Variants in KCNIP4 observed in about 807,000 individuals in gnomAD.
The protein encoded by KCNIP4 is potassium voltage-gated channel interacting protein 4, also known as Kv channel-interacting protein 4.
A neutral mutation model predicts 34.0 loss-of-function variants in KCNIP4; 12 were observed. That is an observed-to-expected ratio of 0.35 (90% CI 0.23 to 0.57). KCNIP4 has a LOEUF of 0.57. Ranked by LOEUF, KCNIP4 falls within the 20% of genes least tolerant of loss-of-function variation. The probability of loss-of-function intolerance (pLI) is 0.83; values close to 1 mark genes in which losing one functional copy is unlikely to be tolerated. For synonymous variants in KCNIP4, 124 were observed against 102.2 expected (o/e 1.21, Z -1.29); for missense variants, 238 against 311.7 (o/e 0.76, Z 1.78).
At chr4:20,864,814 T>C (rs1489829881) in intron 2 of KCNIP4, among the ~76,000 whole-genome samples, 1 of 152,156 alleles carries the variant, frequency 6.6e-6, no homozygotes, top group Non-Finnish European at 1.5e-5. Flanking sequence ...GGCATATCAG[T>C]GGCAGAACTG....
intron 1 of KCNIP4, among the ~76,000 whole-genome samples, chr4:21,463,405 C>T (rs1729646696): frequency 6.6e-6 from 1 of 151,882 alleles, no homozygotes; most frequent in South Asian, 2.1e-4. Context: ...TCTCTTTTCT[C>T]TCCAACTTCA....
Position 21,559,955 on chromosome 4 carries a change from A to G in KCNIP4, c.61+388616T>C, listed in dbSNP as rs1739380551. Among the ~76,000 whole-genome samples the G allele has an allele frequency of 2.0e-5, 3 of 152,074 alleles. No homozygotes were observed. In the South Asian group the frequency reaches 6.2e-4, roughly 32 times the overall value. On this transcript the variant is annotated intron_variant, in intron 1 of 8. Transcript: ENST00000382152. ...CTTTTAATTTATTCATTTCTCATGG[A>G]ATTATTTCCTCTTGCTTGATTTATG...
chr4:21,942,887 T>C (rs1730282822), intron 1 of KCNIP4, among the ~76,000 whole-genome samples: 1 of 152,130 alleles, frequency 6.6e-6, no homozygotes, highest in Non-Finnish European at 1.5e-5. Flanking sequence ...GCCTCCCAAG[T>C]AGCTGGGATT....
chr4:21,529,745 G>T (rs1417490681), intron 1 of KCNIP4, among the ~76,000 whole-genome samples: 1 of 152,056 alleles, frequency 6.6e-6, no homozygotes, highest in Non-Finnish European at 1.5e-5. Context: ...CATCATTATG[G>T]TCTCTCTTGC....
chr4:20,802,840 C>T (rs373161299), intron 3 of KCNIP4, among the ~76,000 whole-genome samples: 7 of 151,902 alleles, frequency 4.6e-5, no homozygotes, highest in East Asian at 3.9e-4. Flanking sequence ...TTTGGGAGGC[C>T]GAGGCGGGCG....
chr4:21,821,875 A>G (rs890396544), intron 1 of KCNIP4, among the ~76,000 whole-genome samples: 1 of 152,180 alleles, frequency 6.6e-6, no homozygotes, highest in Non-Finnish European at 1.5e-5. Flanking sequence ...TTACTTAAAT[A>G]GTGATGACTA....
intron 3 of KCNIP4, among the ~76,000 whole-genome samples, chr4:20,778,893 T>G (rs750367965): frequency 6.6e-5 from 10 of 152,280 alleles, no homozygotes; most frequent in Admixed American, 2.6e-4. Flanking sequence ...TTGTTATTGC[T>G]GATTTGGAAT....
At chr4:21,434,966 T>C (rs987839140) in intron 1 of KCNIP4, among the ~76,000 whole-genome samples, 25 of 151,830 alleles carry the variant, frequency 1.6e-4, no homozygotes, top group African/African-American at 5.6e-4. Context: ...CTTCATAGAG[T>C]TGTTGAGGGA....
At chr4:21,108,246 C>T (rs565408823) in intron 1 of KCNIP4, among the ~76,000 whole-genome samples, 9 of 147,280 alleles carry the variant, frequency 6.1e-5, no homozygotes, top group East Asian at 3.9e-4. Flanking sequence ...ACCAATCAGA[C>T]GTAGATTTGG....
chr4:21,094,761 T>C (rs908388433), intron 1 of KCNIP4, among the ~76,000 whole-genome samples: 1 of 152,146 alleles, frequency 6.6e-6, no homozygotes, highest in Admixed American at 6.6e-5. Context: ...GTGAGGAAAC[T>C]CAAGCAGCCC....
chr4:21,553,815 T>TGG (rs1301456170), intron 1 of KCNIP4, among the ~76,000 whole-genome samples: 3 of 152,132 alleles, frequency 2.0e-5, no homozygotes, highest in Non-Finnish European at 4.4e-5. Context: ...CACCTTTCCC[T>TGG]TCTTTAATGG....
chr4:20,750,597 G>A (rs774393367), intron 4 of KCNIP4, among the ~76,000 whole-genome samples: 3 of 151,798 alleles, frequency 2.0e-5, no homozygotes, highest in Non-Finnish European at 4.4e-5. Context: ...CTGTTTCTCC[G>A]TTGTCTCCTT....
intron 1 of KCNIP4, among the ~76,000 whole-genome samples, chr4:21,231,266 AAATT>A (rs1162463455): frequency 6.6e-6 from 1 of 152,174 alleles, no homozygotes; most frequent in Non-Finnish European, 1.5e-5. Context: ...TAATGCAAAA[AAATT>A]AAGTAAATAA....
intron 1 of KCNIP4, among the ~76,000 whole-genome samples, chr4:21,008,930 A>G (rs1738819490): frequency 1.3e-5 from 2 of 151,920 alleles, no homozygotes; most frequent in South Asian, 4.2e-4. Context: ...AGACTCCCAC[A>G]TCCCTTTCAC....
At chr4:20,804,142 C>A (rs16869987) in intron 3 of KCNIP4, among the ~76,000 whole-genome samples, 59,920 of 151,946 alleles carry the variant, frequency 0.39, 12,369 homozygotes, top group Admixed American at 0.51. Flanking sequence ...CAAGACTGCA[C>A]AAATTATTTT....
chr4:21,665,515 C>T (rs1016061031), intron 1 of KCNIP4, among the ~76,000 whole-genome samples: 2 of 149,720 alleles, frequency 1.3e-5, no homozygotes, highest in Non-Finnish European at 3.0e-5. Context: ...CAGGGCACCC[C>T]CCCCCCCTCA....
chr4:21,779,325 C>T (rs1577977193), intron 1 of KCNIP4, among the ~76,000 whole-genome samples: 1 of 151,698 alleles, frequency 6.6e-6, no homozygotes. Context: ...TACTAATAAG[C>T]ACAAATTTTC....
At chr4:21,352,026 T>C (rs753017684) in intron 1 of KCNIP4, among the ~76,000 whole-genome samples, 1 of 152,136 alleles carries the variant, frequency 6.6e-6, no homozygotes, top group Admixed American at 6.5e-5. Context: ...TGAGGCCATT[T>C]GGTTGAATAA....
At chr4:21,204,827 A>C (rs1756734011) in intron 1 of KCNIP4, among the ~76,000 whole-genome samples, 1 of 152,232 alleles carries the variant, frequency 6.6e-6, no homozygotes, top group African/African-American at 2.4e-5. Context: ...AGCATCTACT[A>C]GTAAGGATGT....
Sources: allele counts gnomAD v4.1 joint callset (sites outside exome capture counted in the v4.1 genomes callset), GRCh38; gene constraint gnomAD v4.1.1; transcripts MANE v1.5; gene names NCBI Gene and HGNC (gene_info 2026-07-23, HGNC 2026-07-21).